Variants in CPNE4 observed in about 807,000 individuals in gnomAD.
The protein encoded by CPNE4 is copine 4, also known as copine-4.
A neutral mutation model predicts 67.9 loss-of-function variants in CPNE4; 25 were observed. The ratio of observed to expected loss-of-function variants is 0.37; its 90% CI spans 0.27 to 0.51. The LOEUF is 0.51. CPNE4 is among the 20% of genes least tolerant of loss of function. The pLI, the probability that CPNE4 is intolerant of heterozygous loss-of-function variation, is 0.93. For missense variants in CPNE4, 464 were observed against 690.8 expected (o/e 0.67, Z 3.68); for synonymous variants, 242 against 244.9 (o/e 0.99, Z 0.11).
chr3:131,860,128 G>A (rs1300709221), intron 2 of CPNE4, among the ~76,000 whole-genome samples: 1 of 152,108 alleles, frequency 6.6e-6, no homozygotes, highest in Non-Finnish European at 1.5e-5. Context: ...ACTGTCATCA[G>A]TCAGTCCTTC....
chr3:131,794,894 C>T (rs2083877139), intron 2 of CPNE4, among the ~76,000 whole-genome samples: 2 of 152,136 alleles, frequency 1.3e-5, no homozygotes, highest in South Asian at 4.1e-4. Context: ...CCAAGGCAGT[C>T]GCCTTCCTTA....
rs187797287 is a variant in CPNE4 at position 131,625,220 on chromosome 3, C to T, written c.682-37638G>A. On this transcript the variant is annotated intron_variant, in intron 7 of 15. Coordinates refer to ENST00000429747, the MANE Select transcript of CPNE4 (RefSeq NM_130808.3). Reference sequence around the variant, plus strand: ...CTCAAACATCTATGGGGTCAAGGAACTATTATTTAAAGAAACATCCAAACT... The same window carrying T: ...CTCAAACATCTATGGGGTCAAGGAATTATTATTTAAAGAAACATCCAAACT... Among the ~76,000 whole-genome samples, 18 of 152,310 alleles carry T rather than the reference C, an allele frequency of 1.2e-4. 1 individual carries two copies. The highest frequency in any genetic ancestry group is 4.1e-4 in the African/African-American group (17 of 41,574).
Position 131,849,989 on chromosome 3 carries a change from G to A in CPNE4, c.180+55275C>T, listed in dbSNP as rs189292732. Among the ~76,000 whole-genome samples, 11 of 152,214 alleles carry A rather than the reference G, an allele frequency of 7.2e-5. No individual in the cohort carries two copies. The East Asian group carries it at 2.1e-3, about 29-fold the overall frequency. ...GAGTATCATATTCTTGGTCTGTGCT[G>A]TAACTCTATTCTTCATTGTGAGTAT... On this transcript the variant is annotated intron_variant, in intron 2 of 15. Coordinates refer to ENST00000429747, the MANE Select transcript of CPNE4 (RefSeq NM_130808.3).
intron 2 of CPNE4, among the ~76,000 whole-genome samples, chr3:131,792,672 C>CACGTGTGTATATATGT (rs1560322350): frequency 9.1e-5 from 3 of 32,866 alleles, no homozygotes; most frequent in African/African-American, 2.0e-4. Context: ...TGTATATATA[C>CACGTGTGTATATATGT]ATATATACAC....
intron 1 of CPNE4, among the ~76,000 whole-genome samples, chr3:131,912,342 T>C (rs967981013): frequency 6.6e-6 from 1 of 152,100 alleles, no homozygotes; most frequent in African/African-American, 2.4e-5. Flanking sequence ...CAGCTTGAGT[T>C]CACAGGGGAA....
intron 11 of CPNE4, among the ~76,000 whole-genome samples, chr3:131,560,833 T>A (rs189865298): frequency 4.6e-5 from 7 of 152,124 alleles, no homozygotes; most frequent in Admixed American, 4.6e-4. Context: ...CACCAGAGAG[T>A]TAAATCAGAG....
chr3:131,571,949 T>TTAAG (rs150513243), intron 10 of CPNE4, among the ~76,000 whole-genome samples: 8,401 of 152,170 alleles, frequency 0.055, 328 homozygotes, highest in South Asian at 0.1. Context: ...ACATAAATAC[T>TTAAG]TAAGTTTATG....
intron 2 of CPNE4, among the ~76,000 whole-genome samples, chr3:131,766,160 T>C (rs932789633): frequency 6.6e-6 from 1 of 152,206 alleles, no homozygotes; most frequent in African/African-American, 2.4e-5. Context: ...CTGCCACTCA[T>C]TAGCTGTGTG....
At chr3:131,896,040 G>T (rs1317740115) in intron 2 of CPNE4, among the ~76,000 whole-genome samples, 1 of 146,700 alleles carries the variant, frequency 6.8e-6, no homozygotes, top group African/African-American at 2.5e-5. Context: ...TTACTTCTAG[G>T]AAAAAAAAAA....
At chr3:131,794,559 G>A (rs541978126) in intron 2 of CPNE4, among the ~76,000 whole-genome samples, 1 of 152,244 alleles carries the variant, frequency 6.6e-6, no homozygotes, top group South Asian at 2.1e-4. Flanking sequence ...TGCATTTCTA[G>A]GGATGTGGTT....
chr3:131,813,801 C>T (rs959526796), intron 2 of CPNE4, among the ~76,000 whole-genome samples: 13 of 152,228 alleles, frequency 8.5e-5, no homozygotes, highest in African/African-American at 2.9e-4. Context: ...TTATTTATTC[C>T]TGCTGCTGTC....
intron 5 of CPNE4, among the ~76,000 whole-genome samples, chr3:131,690,990 A>G (rs2081020629): frequency 6.6e-6 from 1 of 152,230 alleles, no homozygotes; most frequent in South Asian, 2.1e-4. Context: ...AATGCAAATC[A>G]AAACCACAAT....
intron 7 of CPNE4, among the ~76,000 whole-genome samples, chr3:131,665,022 T>C (rs1386824113): frequency 6.6e-6 from 1 of 152,164 alleles, no homozygotes; most frequent in Non-Finnish European, 1.5e-5. Context: ...TCAGTAGACA[T>C]GGCTGAGAAA....
chr3:131,959,738 C>A (rs899432004), intron 1 of CPNE4, among the ~76,000 whole-genome samples: 2 of 152,166 alleles, frequency 1.3e-5, no homozygotes, highest in Non-Finnish European at 2.9e-5. Flanking sequence ...CTCTCAGTTG[C>A]AATTTAGGGT....
intron 3 of CPNE4, among the ~76,000 whole-genome samples, chr3:131,701,922 A>C (rs922064991): frequency 1.3e-5 from 2 of 152,186 alleles, no homozygotes; most frequent in African/African-American, 4.8e-5. Context: ...GAGAGCAATG[A>C]TACTGTACAC....
intron 2 of CPNE4, among the ~76,000 whole-genome samples, chr3:131,784,360 T>C (rs2083499498): frequency 6.6e-6 from 1 of 152,076 alleles, no homozygotes; most frequent in South Asian, 2.1e-4. Context: ...TAAAATAGAA[T>C]AATTTATAGC....
At chr3:132,015,761 G>A (rs2073877919) in intron 1 of CPNE4, among the ~76,000 whole-genome samples, 1 of 152,180 alleles carries the variant, frequency 6.6e-6, no homozygotes, top group Non-Finnish European at 1.5e-5. Flanking sequence ...GGGATCAAAT[G>A]GAACAATCAC....
At chr3:131,785,192 C>T (rs1213760866) in intron 2 of CPNE4, among the ~76,000 whole-genome samples, 1 of 152,060 alleles carries the variant, frequency 6.6e-6, no homozygotes, top group African/African-American at 2.4e-5. Context: ...GTACATATTC[C>T]CCACTTTATA....
intron 3 of CPNE4, 89 bp downstream of exon 3, chr3:131,723,357 C>T: frequency 8.4e-7 from 1 of 1,186,526 alleles, no homozygotes; most frequent in East Asian, 2.4e-5. Context: ...TAGGAAAAAG[C>T]AAGGATTAGA....
Sources: gnomAD v4.1 joint callset for allele counts (sites outside exome capture counted in the v4.1 genomes callset) on GRCh38, gnomAD v4.1.1 for gene constraint, MANE v1.5 for transcripts, NCBI Gene and HGNC (gene_info 2026-07-23, HGNC 2026-07-21) for gene names.